The following GIGYF2 variants were observed in gnomAD, a reference collection of about 807,000 sequenced individuals.
The protein encoded by GIGYF2 is GRB10 interacting GYF protein 2.
In GIGYF2, 25 loss-of-function variants were observed where a neutral mutation model predicts 208.1. The ratio of observed to expected loss-of-function variants is 0.12; its 90% CI spans 0.09 to 0.17. The LOEUF is 0.17. Ranked by LOEUF, GIGYF2 falls within the 10% of genes least tolerant of loss-of-function variation. GIGYF2 has a pLI of 1.00. For missense variants in GIGYF2, 1,302 were observed against 1,579.4 expected (o/e 0.82, Z 2.98); for synonymous variants, 534 against 543.8 (o/e 0.98, Z 0.25).
intron 9 of GIGYF2, 113 bp downstream of exon 9, chr2:232,787,442 A>G (rs2106360572): frequency 1.1e-6 from 1 of 910,094 alleles, no homozygotes; most frequent in South Asian, 1.4e-5. Context: ...GGGTGGATTC[A>G]TATTATTTAT....
At chr2:232,733,706 A>C (rs528841814) in intron 2 of GIGYF2, among the ~76,000 whole-genome samples, 6 of 152,298 alleles carry the variant, frequency 3.9e-5, no homozygotes, top group African/African-American at 1.4e-4. Context: ...CCCTAATGTA[A>C]AATGGCATAG....
chr2:232,791,039 A>G lies in GIGYF2; in HGVS notation c.962A>G (p.Gln321Arg). 2.5e-6 allele frequency: 4 copies of G among 1,614,090 alleles called. No individual in the cohort carries two copies. The highest frequency in any genetic ancestry group is 3.4e-6 in the Non-Finnish European group (4 of 1,179,954). ...KVQKEPIPEE[Q>R]EMDFRPVDEG... ...CAGAAAGAGCCTATTCCAGAAGAGC[A>G]GGAGATGGACTTCCGGCCTGTGGAC... is the stretch of plus-strand genomic sequence containing the variant. The change falls in exon 11 of 29, where the codon CAG (glutamine) becomes CGG (arginine). Residue 321 changes from glutamine to arginine, a missense_variant. Gln to Arg is a conservative substitution (Grantham distance 43). Coordinates refer to ENST00000373563, the MANE Select transcript of GIGYF2 (RefSeq NM_001103146.3).
intron 8 of GIGYF2, among the ~76,000 whole-genome samples, chr2:232,784,450 C>T (rs13003738): frequency 0.51 from 70,428 of 137,686 alleles, 18,308 homozygotes; most frequent in East Asian, 0.68. Flanking sequence ...AGAGCAGTGG[C>T]GTGATCTGGG....
intron 23 of GIGYF2, among the ~76,000 whole-genome samples, chr2:232,841,691 A>G (rs1701822497): frequency 6.6e-6 from 1 of 152,046 alleles, no homozygotes; most frequent in African/African-American, 2.4e-5. Context: ...CTCTTAATAC[A>G]CATTTCACAT....
intron 2 of GIGYF2, among the ~76,000 whole-genome samples, chr2:232,719,881 AAGCAGTTAT>A (rs1272368181): frequency 6.6e-6 from 1 of 152,208 alleles, no homozygotes; most frequent in Admixed American, 6.5e-5. Context: ...AAGTCTGAAA[AAGCAGTTAT>A]GTAGAAATAT....
chr2:232,827,969 G>A (rs1157794299), intron 21 of GIGYF2, among the ~76,000 whole-genome samples: 1 of 151,810 alleles, frequency 6.6e-6, no homozygotes, highest in Non-Finnish European at 1.5e-5. Flanking sequence ...TAATTTCCAA[G>A]TATTTGGGAG....
chr2:232,763,713 C>A (rs545351064), intron 8 of GIGYF2, among the ~76,000 whole-genome samples: 93 of 152,076 alleles, frequency 6.1e-4, no homozygotes, highest in Middle Eastern at 3.4e-3. Flanking sequence ...ACCTGTACTT[C>A]CAGCTACTGA....
intron 15 of GIGYF2, among the ~76,000 whole-genome samples, chr2:232,809,347 A>G (rs1402872776): frequency 1.3e-5 from 2 of 152,184 alleles, no homozygotes; most frequent in African/African-American, 4.8e-5. Context: ...AGATACTTTT[A>G]CATTTTTCTG....
chr2:232,818,706 T>A (rs1700987082), intron 20 of GIGYF2, among the ~76,000 whole-genome samples: 1 of 152,258 alleles, frequency 6.6e-6, no homozygotes, highest in South Asian at 2.1e-4. Flanking sequence ...TGTACTTGTG[T>A]TTTATAGCCC....
chr2:232,836,057 G>A (rs940951457), intron 22 of GIGYF2, among the ~76,000 whole-genome samples: 5 of 151,260 alleles, frequency 3.3e-5, no homozygotes, highest in African/African-American at 1.2e-4. Context: ...AAAAAAACCT[G>A]CGAGTTAGCC....
chr2:232,749,967 C>T (rs1468196225), intron 5 of GIGYF2, among the ~76,000 whole-genome samples: 1 of 151,970 alleles, frequency 6.6e-6, no homozygotes. Flanking sequence ...GGCGGATCAC[C>T]TGAGGTCAGG....
chr2:232,714,744 T>C (rs1696598845), intron 2 of GIGYF2, among the ~76,000 whole-genome samples: 1 of 152,132 alleles, frequency 6.6e-6, no homozygotes, highest in African/African-American at 2.4e-5. Flanking sequence ...AATATTTGCG[T>C]CTTCTAGAAA....
In GIGYF2 at chr2:232,806,289, G is replaced by A. The variant is rs2106379906; in HGVS notation, c.1640-202G>A. Among the ~76,000 whole-genome samples the A allele has an allele frequency of 6.6e-6, 1 of 152,314 alleles. No individual in the cohort carries two copies. Among genetic ancestry groups the A allele is most frequent in the African/African-American group, 2.4e-5 (1 of 41,564 alleles). On this transcript the variant is annotated intron_variant, in intron 14 of 28. Coordinates refer to ENST00000373563, the MANE Select transcript of GIGYF2 (RefSeq NM_001103146.3). The surrounding 1 kb of genome is among the most constrained non-coding windows in gnomAD (Gnocchi z 4.0). ...AATTGAAGTGCTGCTGATAATTTGG[G>A]ATGTATAAACACAGACTTTATTTAA...
chr2:232,699,363 T>TA, intron 1 of GIGYF2, among the ~76,000 whole-genome samples: 1 of 152,318 alleles, frequency 6.6e-6, no homozygotes, highest in Middle Eastern at 3.4e-3. Context: ...TGTGTGTACT[T>TA]ACTGTTTGGT....
At chr2:232,703,337 A>G (rs1424662517) in intron 1 of GIGYF2, 87 bp from the exon 2 acceptor site, 1 of 152,666 alleles carries the variant, frequency 6.6e-6, no homozygotes, top group Non-Finnish European at 1.5e-5. Context: ...CATTTTCTGC[A>G]AAGTATATTT....
chr2:232,822,953 G>A (rs369379803), intron 21 of GIGYF2, among the ~76,000 whole-genome samples: 17 of 152,050 alleles, frequency 1.1e-4, no homozygotes, highest in South Asian at 1.0e-3. Flanking sequence ...GAAAATGTCC[G>A]GTATTTCACC....
chr2:232,824,095 T>C (rs1460983170), intron 21 of GIGYF2, among the ~76,000 whole-genome samples: 1 of 152,238 alleles, frequency 6.6e-6, no homozygotes, highest in Non-Finnish European at 1.5e-5. Context: ...ATGTTCTGAC[T>C]ATTGACTGGC....
rs1323527305 is a variant in GIGYF2, at chr2:232,857,161, A to G, written c.*301A>G. On this transcript the variant is annotated 3_prime_UTR_variant, in exon 29 of 29. Coordinates refer to ENST00000373563, the MANE Select transcript of GIGYF2 (RefSeq NM_001103146.3). ...TGTTCACTGTGCTGTGATTTCATCT[A>G]CTGTCTCCCAGAAAGTGTGTTGGGA... 1.3e-5 allele frequency: 6 copies of G among 473,122 alleles called. No individual in the cohort carries two copies. Among genetic ancestry groups the G allele is most frequent in the Non-Finnish European group, 1.9e-5 (5 of 259,122 alleles). 29.3% of individuals were successfully genotyped at this position (473,122 alleles called of 1,614,324 possible).
intron 8 of GIGYF2, chr2:232,767,295 A>G (rs923113799): frequency 6.6e-6 from 1 of 152,174 alleles, no homozygotes; most frequent in African/African-American, 2.4e-5. Flanking sequence ...GTAAAGCTTT[A>G]TATCTATAAA....
Sources: gnomAD v4.1 joint callset for allele counts (sites outside exome capture counted in the v4.1 genomes callset) on GRCh38, gnomAD v4.1.1 for gene constraint, Gnocchi (gnomAD v3.1) non-coding constraint, MANE v1.5 for transcripts, NCBI Gene and HGNC (gene_info 2026-07-23, HGNC 2026-07-21) for gene names.